MGAT4C: variants seen among roughly 807,000 people sequenced by gnomAD.
MGAT4C encodes the protein alpha-1,3-mannosyl-glycoprotein 4-beta-N-acetylglucosaminyltransferase C.
In MGAT4C, 19 loss-of-function variants were observed where a neutral mutation model predicts 40.1. That is an observed-to-expected ratio of 0.47 (90% CI 0.33 to 0.70). The LOEUF is 0.70. MGAT4C is among the 30% of genes least tolerant of loss of function. The pLI is 0.02. For synonymous variants in MGAT4C, 181 were observed against 187.1 expected (o/e 0.97, Z 0.27); for missense variants, 491 against 563.2 (o/e 0.87, Z 1.30).
chr12:86,663,120 T>C (rs892457426), intron 2 of MGAT4C, among the ~76,000 whole-genome samples: 1 of 151,690 alleles, frequency 6.6e-6, no homozygotes, highest in African/African-American at 2.4e-5. Context: ...CTCAGCACTT[T>C]GAAAGAAAGT....
At chr12:86,158,763 A>G (rs1181646789) in intron 1 of MGAT4C, among the ~76,000 whole-genome samples, 2 of 152,180 alleles carry the variant, frequency 1.3e-5, no homozygotes, top group East Asian at 1.9e-4. Context: ...CTCCTTGGTT[A>G]GCTATATTCC....
At chr12:86,601,618 A>G (rs1229987240) in intron 2 of MGAT4C, among the ~76,000 whole-genome samples, 2 of 152,152 alleles carry the variant, frequency 1.3e-5, no homozygotes, top group Non-Finnish European at 2.9e-5. Context: ...GGACCCCCAG[A>G]CTGCGGGAGC....
intron 1 of MGAT4C, among the ~76,000 whole-genome samples, chr12:86,094,294 G>A (rs886719308): frequency 9.9e-5 from 15 of 152,218 alleles, no homozygotes; most frequent in African/African-American, 3.4e-4. Flanking sequence ...CACGATTTTT[G>A]TTCCAAAAAA....
intron 3 of MGAT4C, among the ~76,000 whole-genome samples, chr12:86,416,071 GT>G (rs1956705528): frequency 6.6e-6 from 1 of 151,990 alleles, no homozygotes; most frequent in Non-Finnish European, 1.5e-5. Flanking sequence ...AGGGATATAT[GT>G]ACACATTTGT....
chr12:86,280,927 G>T (rs1285438215), intron 4 of MGAT4C, among the ~76,000 whole-genome samples: 2 of 151,656 alleles, frequency 1.3e-5, no homozygotes, highest in Non-Finnish European at 2.9e-5. Context: ...TTCCCTCTTT[G>T]TTTAATGATT....
chr12:86,044,752 G>C (rs1374722294), intron 2 of MGAT4C, among the ~76,000 whole-genome samples: 2 of 152,090 alleles, frequency 1.3e-5, no homozygotes, highest in African/African-American at 4.8e-5. Context: ...CACTTGCACT[G>C]CAAGTGGGCT....
At chr12:86,224,836 T>C (rs1014785920) in intron 1 of MGAT4C, among the ~76,000 whole-genome samples, 1 of 152,070 alleles carries the variant, frequency 6.6e-6, no homozygotes, top group African/African-American at 2.4e-5. Context: ...ATCAAAAATG[T>C]AGAAATATAT....
chr12:86,442,963 T>C (rs1156882625), intron 2 of MGAT4C, among the ~76,000 whole-genome samples: 1 of 152,108 alleles, frequency 6.6e-6, no homozygotes, highest in African/African-American at 2.4e-5. Flanking sequence ...CTCAAGTTTT[T>C]AGCGATAAGG....
At chr12:86,744,015 AAGCACCCTGAGCTGAGCAAC>A (rs1408122499) in intron 1 of MGAT4C, among the ~76,000 whole-genome samples, 1 of 151,552 alleles carries the variant, frequency 6.6e-6, no homozygotes, top group Non-Finnish European at 1.5e-5. Flanking sequence ...AGGCATATGG[AAGCACCCTGAGCTGAGCAAC>A]AGCAGGAGAT....
intron 3 of MGAT4C, among the ~76,000 whole-genome samples, chr12:86,352,759 A>G (rs1955194358): frequency 1.3e-5 from 2 of 152,076 alleles, no homozygotes; most frequent in Non-Finnish European, 2.9e-5. Context: ...TTTGTTAATA[A>G]ATCTTAATGA....
intron 1 of MGAT4C, among the ~76,000 whole-genome samples, chr12:86,745,376 T>G (rs1951137655): frequency 6.6e-6 from 1 of 151,680 alleles, no homozygotes; most frequent in South Asian, 2.1e-4. Context: ...TTTGAAGAAC[T>G]AAAGACACAT....
chr12:86,474,272 C>CA (rs1211980855), intron 2 of MGAT4C, among the ~76,000 whole-genome samples: 13 of 147,328 alleles, frequency 8.8e-5, no homozygotes, highest in Admixed American at 1.4e-4. Context: ...ATCGCAAGGA[C>CA]AAAAAACCAA....
At chr12:86,787,301 T>G (rs1593206781) in intron 1 of MGAT4C, among the ~76,000 whole-genome samples, 1 of 146,674 alleles carries the variant, frequency 6.8e-6, no homozygotes, top group East Asian at 2.0e-4. Context: ...CCATCCACAT[T>G]GCCTCAAAAG....
At chr12:86,732,361 C>A (rs1950924848) in intron 1 of MGAT4C, among the ~76,000 whole-genome samples, 1 of 152,108 alleles carries the variant, frequency 6.6e-6, no homozygotes, top group Non-Finnish European at 1.5e-5. Flanking sequence ...GTTTCAAGTG[C>A]ATTACATTTA....
chr12:86,671,440 C>T (rs997000490), intron 2 of MGAT4C, among the ~76,000 whole-genome samples: 3 of 152,030 alleles, frequency 2.0e-5, no homozygotes, highest in African/African-American at 7.2e-5. Flanking sequence ...ATCTTACATG[C>T]CAGGAGAGAG....
At chr12:86,312,297 C>T (rs1017539941) in intron 4 of MGAT4C, among the ~76,000 whole-genome samples, 3 of 152,148 alleles carry the variant, frequency 2.0e-5, no homozygotes, top group Non-Finnish European at 4.4e-5. Context: ...AAACAGGAGG[C>T]AATTCTATTT....
intron 3 of MGAT4C, among the ~76,000 whole-genome samples, chr12:86,395,703 A>G (rs1956248486): frequency 6.6e-6 from 1 of 152,178 alleles, no homozygotes; most frequent in Non-Finnish European, 1.5e-5. Context: ...TAATACTGTA[A>G]TAAGTCCTTG....
intron 1 of MGAT4C, among the ~76,000 whole-genome samples, chr12:86,749,907 T>C (rs1449230542): frequency 6.6e-6 from 1 of 151,774 alleles, no homozygotes; most frequent in Non-Finnish European, 1.5e-5. Context: ...ATGGTGAGGA[T>C]TAAGGTTTAT....
chr12:86,469,793 G>A (rs1202757960), intron 2 of MGAT4C, among the ~76,000 whole-genome samples: 1 of 152,116 alleles, frequency 6.6e-6, no homozygotes, highest in Non-Finnish European at 1.5e-5. Context: ...TTTCAGCCAT[G>A]AATCTTTTGG....
Sources: gnomAD v4.1 joint callset for allele counts (sites outside exome capture counted in the v4.1 genomes callset) on GRCh38, gnomAD v4.1.1 for gene constraint, MANE v1.5 for transcripts, NCBI Gene and HGNC (gene_info 2026-07-23, HGNC 2026-07-21) for gene names.